AGBL1: variants seen among roughly 807,000 people sequenced by gnomAD.
AGBL1 encodes the protein cytosolic carboxypeptidase 4.
A neutral mutation model predicts 118.9 loss-of-function variants in AGBL1; 130 were observed. The ratio of observed to expected loss-of-function variants is 1.09; its 90% CI spans 0.95 to 1.26. AGBL1 has a LOEUF of 1.26. Among genes scored for constraint, AGBL1 ranks in the 50% most tolerant of loss-of-function variants. The pLI is 0.00. For missense variants in AGBL1, 1,584 were observed against 1,298.1 expected, an observed-to-expected ratio of 1.22 and a Z score of -3.38; for synonymous variants, 555 against 478.9, an observed-to-expected ratio of 1.16 and a Z score of -2.08.
At chr15:86,143,947 G>T in intron 3 of AGBL1, 102 bp downstream of exon 3, 1 of 1,396,058 alleles carries the variant, frequency 7.2e-7, no homozygotes. Flanking sequence ...CAGGGAGAAA[G>T]CGTCAGGGAG....
intron 24 of AGBL1, among the ~76,000 whole-genome samples, chr15:87,019,494 A>C (rs965939880): frequency 6.6e-6 from 1 of 152,166 alleles, no homozygotes; most frequent in Non-Finnish European, 1.5e-5. Context: ...AACTACATGG[A>C]AATTGAACAA....
intron 22 of AGBL1, among the ~76,000 whole-genome samples, chr15:86,870,451 C>G (rs1452272902): frequency 3.1e-5 from 1 of 31,980 alleles, no homozygotes; most frequent in African/African-American, 1.9e-4. Context: ...GTAAAGCATA[C>G]TGCAAAAAAA....
At chr15:86,693,093 TATA>T (rs1242681513) in intron 22 of AGBL1, among the ~76,000 whole-genome samples, 8 of 152,250 alleles carry the variant, frequency 5.3e-5, no homozygotes, top group Non-Finnish European at 1.5e-5. Flanking sequence ...ATCTTTTTCG[TATA>T]ATGACTTCTT....
intron 1 of AGBL1, among the ~76,000 whole-genome samples, chr15:86,118,473 CAA>C (rs55759602): frequency 0.013 from 1,933 of 145,302 alleles, 23 homozygotes; most frequent in East Asian, 0.051. Flanking sequence ...AATTACACTT[CAA>C]AAAAAAAAAA....
chr15:86,463,157 T>A (rs1231857435), intron 18 of AGBL1, among the ~76,000 whole-genome samples: 1 of 152,232 alleles, frequency 6.6e-6, no homozygotes, highest in Admixed American at 6.5e-5. Context: ...GGTATCTCAT[T>A]GTGGTTTTGA....
intron 21 of AGBL1, among the ~76,000 whole-genome samples, chr15:86,559,188 C>G (rs1228611260): frequency 6.6e-6 from 1 of 152,170 alleles, no homozygotes; most frequent in Non-Finnish European, 1.5e-5. Context: ...CCACCTTACT[C>G]CAGGATGACC....
chr15:87,007,127 C>A (rs753866297), intron 24 of AGBL1, among the ~76,000 whole-genome samples: 2 of 152,006 alleles, frequency 1.3e-5, no homozygotes, highest in Non-Finnish European at 2.9e-5. Context: ...GAAATTATGC[C>A]TTTTTAACAA....
At chr15:86,214,428 T>C (rs1325324846) in intron 5 of AGBL1, among the ~76,000 whole-genome samples, 1 of 152,234 alleles carries the variant, frequency 6.6e-6, no homozygotes, top group Non-Finnish European at 1.5e-5. Context: ...TTATATTATT[T>C]ACTCATTATA....
In AGBL1 at chr15:86,809,903, C is replaced by T. The variant is rs1054917792; in HGVS notation, c.3159-97184C>T. Among the ~76,000 whole-genome samples, 4 of 151,990 alleles carry T rather than the reference C, an allele frequency of 2.6e-5. No individual in the cohort carries two copies. The East Asian group carries it at 7.7e-4, about 29-fold the overall frequency. ...GATGTGAGTTTTATATGTCGTTTGG[C>T]CAATAAAAGCTCTGCTGGATCATTA... is the stretch of plus-strand genomic sequence containing the variant. On this transcript the variant is annotated intron_variant, in intron 22 of 22. Coordinates refer to ENST00000614907, the MANE Select transcript of AGBL1 (RefSeq NM_001386094.1).
chr15:86,728,726 T>C lies in AGBL1; in HGVS notation c.3158+54290T>C, dbSNP rs76882219. Among the ~76,000 whole-genome samples, 931 of 152,296 alleles carry C rather than the reference T, an allele frequency of 6.1e-3. 11 individuals carry two copies. Among genetic ancestry groups the C allele is most frequent in the African/African-American group, 0.021 (882 of 41,578 alleles). On this transcript the variant is annotated intron_variant, in intron 22 of 22. Transcript: ENST00000614907. ...TTTTCTTTTCTTTTTTTTGTTCACA[T>C]CTTTTAAAATTTTGTGTCTGGAGTT... is the stretch of plus-strand genomic sequence containing the variant.
chr15:86,431,827 C>T (rs1037355687), intron 18 of AGBL1, among the ~76,000 whole-genome samples: 1 of 152,174 alleles, frequency 6.6e-6, no homozygotes, highest in Non-Finnish European at 1.5e-5. Context: ...CTTGACTCCA[C>T]TTGGTTGAGA....
chr15:86,253,687 C>T (rs1012359076), intron 7 of AGBL1, among the ~76,000 whole-genome samples: 2 of 152,098 alleles, frequency 1.3e-5, no homozygotes, highest in Non-Finnish European at 2.9e-5. Context: ...AGGAGACTGA[C>T]CCGATACAGT....
At chr15:86,992,179 C>T (rs1294461928) in intron 24 of AGBL1, among the ~76,000 whole-genome samples, 1 of 151,992 alleles carries the variant, frequency 6.6e-6, no homozygotes, top group Non-Finnish European at 1.5e-5. Context: ...GCACGTGCCA[C>T]ACTCTTTTAA....
intron 20 of AGBL1, among the ~76,000 whole-genome samples, chr15:86,552,888 TAG>T (rs2083683160): frequency 6.6e-6 from 1 of 151,980 alleles, no homozygotes; most frequent in Non-Finnish European, 1.5e-5. Flanking sequence ...TGTAGGAATT[TAG>T]AGATCATAGT....
chr15:87,023,955 C>T (rs1247738033), intron 24 of AGBL1, among the ~76,000 whole-genome samples: 4 of 151,728 alleles, frequency 2.6e-5, no homozygotes, highest in Non-Finnish European at 4.4e-5. Flanking sequence ...GTGACACAAC[C>T]TATCAAAACC....
intron 1 of AGBL1, 93 bp from the exon 2 acceptor site, chr15:86,141,911 G>A: frequency 2.4e-6 from 3 of 1,249,834 alleles, no homozygotes; most frequent in South Asian, 2.9e-5. Context: ...CTCCATGACA[G>A]GAAGTAGAGC....
chr15:86,732,799 G>A (rs2077542843), intron 22 of AGBL1, among the ~76,000 whole-genome samples: 1 of 151,748 alleles, frequency 6.6e-6, no homozygotes, highest in South Asian at 2.1e-4. Flanking sequence ...GATAGCATCT[G>A]TCTCATATCC....
intron 23 of AGBL1, among the ~76,000 whole-genome samples, chr15:86,932,224 A>C (rs192236504): frequency 4.1e-4 from 63 of 152,330 alleles, no homozygotes; most frequent in African/African-American, 1.5e-3. Flanking sequence ...AACTATTGCT[A>C]ATGTATAATG....
chr15:86,680,460 A>T (rs1596363559), intron 22 of AGBL1, among the ~76,000 whole-genome samples: 4 of 151,988 alleles, frequency 2.6e-5, no homozygotes, highest in South Asian at 4.2e-4. Context: ...GACGTGGCCA[A>T]ATTTACTCTG....
Sources: gnomAD v4.1 joint callset for allele counts (sites outside exome capture counted in the v4.1 genomes callset) on GRCh38, gnomAD v4.1.1 for gene constraint, MANE v1.5 for transcripts, NCBI Gene and HGNC (gene_info 2026-07-23, HGNC 2026-07-21) for gene names.